The following RHOBTB3 variants were observed in gnomAD, a reference collection of about 807,000 sequenced individuals.
RHOBTB3 encodes the protein Rho related BTB domain containing 3.
RHOBTB3 carries 47 observed loss-of-function variants against 67.2 expected under a neutral mutation model. That is an observed-to-expected ratio of 0.70 (90% CI 0.55 to 0.89). The LOEUF (loss-of-function observed/expected upper bound fraction) is 0.89. RHOBTB3 is among the 40% of genes least tolerant of loss of function. RHOBTB3 has a pLI of 0.00. For missense variants in RHOBTB3, 631 were observed against 750.0 expected (o/e 0.84, Z 1.85); for synonymous variants, 273 against 274.2 (o/e 1.00, Z 0.04).
At chr5:95,719,124 G>A (rs1305752136) in intron 1 of RHOBTB3, among the ~76,000 whole-genome samples, 18 of 152,176 alleles carry the variant, frequency 1.2e-4, no homozygotes, top group Non-Finnish European at 8.8e-5. Flanking sequence ...ATCTGGGGTC[G>A]AGAGAAAGAC....
At chr5:95,788,241 A>G (rs527915395) in intron 10 of RHOBTB3, among the ~76,000 whole-genome samples, 1 of 152,368 alleles carries the variant, frequency 6.6e-6, no homozygotes, top group African/African-American at 2.4e-5. Flanking sequence ...AATCCTGCTC[A>G]GTTTACTGTA....
At chr5:95,775,421 T>TAC (rs1554068745) in intron 8 of RHOBTB3, among the ~76,000 whole-genome samples, 11 of 148,332 alleles carry the variant, frequency 7.4e-5, no homozygotes, top group Admixed American at 1.4e-4. Flanking sequence ...TATATATATA[T>TAC]ACACATATAT....
chr5:95,725,046 C>A (rs1755011829), intron 1 of RHOBTB3, among the ~76,000 whole-genome samples: 2 of 152,022 alleles, frequency 1.3e-5, no homozygotes, highest in South Asian at 4.2e-4. Flanking sequence ...CCTGGACATA[C>A]ACATGCCATG....
At chr5:95,755,218 CAGT>C (rs3836905) in intron 5 of RHOBTB3, among the ~76,000 whole-genome samples, 175 bp from the exon 6 acceptor site, 73,690 of 151,536 alleles carry the variant, frequency 0.49, 18,524 homozygotes, top group East Asian at 0.82. Flanking sequence ...TTAGGTTAAG[CAGT>C]AGTAGAAAAT....
intron 5 of RHOBTB3, among the ~76,000 whole-genome samples, chr5:95,754,018 G>T (rs1056937431): frequency 6.6e-6 from 1 of 152,058 alleles, no homozygotes; most frequent in Non-Finnish European, 1.5e-5. Flanking sequence ...CTGAGGCAGA[G>T]CTGCATGAAC....
Position 95,793,257 on chromosome 5 carries a change from C to A in RHOBTB3, c.*83C>A. 1.2e-6 allele frequency: 1 copy of A among 865,558 alleles called. No individual in the cohort carries two copies. Among genetic ancestry groups the A allele is most frequent in the Non-Finnish European group, 1.8e-6 (1 of 555,978 alleles). 53.6% of individuals were successfully genotyped at this position (865,558 alleles called of 1,614,324 possible). A position where few individuals can be genotyped will look rare whatever the true frequency, so the allele number is the denominator to read the frequency against. ...CAGGTTCCAGTAAAATTCTTCTGACCGAAACCAATGTGGGTGTTAGAAAAA... is the reference window on the plus strand; with the variant it reads ...CAGGTTCCAGTAAAATTCTTCTGACAGAAACCAATGTGGGTGTTAGAAAAA... On this transcript the variant is annotated 3_prime_UTR_variant, in exon 12 of 12. Transcript: ENST00000379982.
chr5:95,731,426 G>A lies in RHOBTB3; in HGVS notation c.-257G>A, dbSNP rs1755240071. The stretch of plus-strand genomic sequence containing the variant: ...ACTTGGGGCTGTGCGGCGGTCCCGC[G>A]CCCGGCGATGTTCCCGGGCACTCCC... On this transcript the variant is annotated 5_prime_UTR_variant, in exon 1 of 12. Coordinates refer to ENST00000379982, the MANE Select transcript of RHOBTB3 (RefSeq NM_014899.4). 8 of 1,194,608 alleles carry A rather than the reference G, an allele frequency of 6.7e-6. No individual in the cohort carries two copies. The highest frequency in any genetic ancestry group is 8.3e-6 in the Non-Finnish European group (8 of 966,814). The allele number at this position is 1,194,608 out of a possible 1,614,324, so 74.0% of individuals were successfully genotyped here.
chr5:95,762,401 G>A (rs1488819650), intron 6 of RHOBTB3, among the ~76,000 whole-genome samples: 1 of 152,186 alleles, frequency 6.6e-6, no homozygotes, highest in Non-Finnish European at 1.5e-5. Flanking sequence ...AAGTGTTTAT[G>A]TGCCTGCCTC....
At chr5:95,761,812 G>A (rs746180585) in intron 6 of RHOBTB3, among the ~76,000 whole-genome samples, 6 of 152,098 alleles carry the variant, frequency 3.9e-5, no homozygotes, top group Non-Finnish European at 7.4e-5. Flanking sequence ...GGATCCATTG[G>A]CTTCTAAGGG....
intron 1 of RHOBTB3, among the ~76,000 whole-genome samples, chr5:95,723,832 A>G: frequency 6.6e-6 from 1 of 152,160 alleles, no homozygotes; most frequent in East Asian, 1.9e-4. Flanking sequence ...CCTCCAGAGC[A>G]CAGCCCAAAG....
chr5:95,788,658 C>A, intron 10 of RHOBTB3, 104 bp from the exon 11 acceptor site: 1 of 719,106 alleles, frequency 1.4e-6, no homozygotes, highest in Non-Finnish European at 2.3e-6. Context: ...GCACATTAAA[C>A]ATGAATATGG....
Position 95,785,523 on chromosome 5 carries a change from G to T in RHOBTB3, c.1623+1560G>T, listed in dbSNP as rs186895800. Among the ~76,000 whole-genome samples the T allele has an allele frequency of 3.0e-3, 458 of 151,908 alleles. 1 individual carries two copies. Among genetic ancestry groups the T allele is most frequent in the Non-Finnish European group, 5.0e-3 (343 of 67,928 alleles). ...GCAGGAGAATGGCGTGAACCCTGGA[G>T]GCGGAGCTTGCAGTGAGCCGAGATC... On this transcript the variant is annotated intron_variant, in intron 10 of 11. Coordinates refer to ENST00000379982, the MANE Select transcript of RHOBTB3 (RefSeq NM_014899.4).
chr5:95,759,291 G>A (rs1308341065), intron 6 of RHOBTB3, among the ~76,000 whole-genome samples: 2 of 152,248 alleles, frequency 1.3e-5, no homozygotes, highest in African/African-American at 2.4e-5. Context: ...CCATTGACCC[G>A]GGGCTGCAGA....
intron 8 of RHOBTB3, among the ~76,000 whole-genome samples, chr5:95,778,786 C>T (rs1745965600): frequency 6.6e-6 from 1 of 152,196 alleles, no homozygotes; most frequent in Non-Finnish European, 1.5e-5. Context: ...ACAAATACAG[C>T]CAGCTTGCTT....
chr5:95,746,422 G>C lies in RHOBTB3; in HGVS notation c.416-1911G>C, dbSNP rs1451042484. On this transcript the variant is annotated intron_variant, in intron 3 of 11. Coordinates refer to ENST00000379982, the MANE Select transcript of RHOBTB3 (RefSeq NM_014899.4). ...GGCCTCTGTTTTCAGAAAATCAAAG[G>C]CACTGTTTAGGAAGGCTTTGTGAAG... is the stretch of plus-strand genomic sequence containing the variant. 2.0e-5 allele frequency among the ~76,000 whole-genome samples: 3 copies of C among 152,030 alleles called. No homozygotes were observed. In the East Asian group the frequency reaches 5.8e-4, roughly 29 times the overall value.
chr5:95,753,136 CAAAA>C (rs1002789158), intron 5 of RHOBTB3, among the ~76,000 whole-genome samples: 1 of 124,508 alleles, frequency 8.0e-6, no homozygotes, highest in Non-Finnish European at 1.7e-5. Flanking sequence ...GACTCTGTCT[CAAAA>C]AAAAAAAAGA....
chr5:95,773,839 A>G (rs1349551397), intron 8 of RHOBTB3, among the ~76,000 whole-genome samples: 2 of 152,222 alleles, frequency 1.3e-5, no homozygotes, highest in South Asian at 2.1e-4. Flanking sequence ...CTCTGGAAGC[A>G]GGCTCAGCTT....
intron 7 of RHOBTB3, among the ~76,000 whole-genome samples, 182 bp downstream of exon 7, chr5:95,763,802 TTG>T (rs60736311): frequency 1.0e-3 from 151 of 148,790 alleles, no homozygotes; most frequent in African/African-American, 2.8e-3. Context: ...GTATCTTAGA[TTG>T]TGTGTGTGTG....
In RHOBTB3 at chr5:95,732,457, A is replaced by G. The variant is rs897319704; in HGVS notation, c.228+373A>G. ...TCTACCCTATGGGTGATAGTGTAAT[A>G]TTGGTGTTCTAAAAATACATCCCTC... On this transcript the variant is annotated intron_variant, in intron 2 of 11. Coordinates refer to ENST00000379982, the MANE Select transcript of RHOBTB3 (RefSeq NM_014899.4). 7.2e-6 allele frequency: 3 copies of G among 418,212 alleles called. No homozygotes were observed. The Admixed American group carries it at 1.2e-4, about 17-fold the overall frequency. The allele number at this position is 418,212 out of a possible 1,614,324, so 25.9% of individuals were successfully genotyped here.
Sources: gnomAD v4.1 joint callset for allele counts (sites outside exome capture counted in the v4.1 genomes callset) on GRCh38, gnomAD v4.1.1 for gene constraint, MANE v1.5 for transcripts, NCBI Gene and HGNC (gene_info 2026-07-23, HGNC 2026-07-21) for gene names.